The following OPRM1 variants were observed in gnomAD, a reference collection of about 807,000 sequenced individuals.
OPRM1 encodes the protein mu-type opioid receptor.
In OPRM1, 27 loss-of-function variants were observed where a neutral mutation model predicts 31.8. That is an observed-to-expected ratio of 0.85 (90% CI 0.63 to 1.17). The LOEUF is 1.17. Among genes scored for constraint, OPRM1 ranks in the 50% most tolerant of loss-of-function variants. The pLI, the probability that OPRM1 is intolerant of heterozygous loss-of-function variation, is 0.00. For synonymous variants in OPRM1, 196 were observed against 189.9 expected, an observed-to-expected ratio of 1.03 and a Z score of -0.26; for missense variants, 536 against 511.1, an observed-to-expected ratio of 1.05 and a Z score of -0.47.
chr6:154,149,905 C>A (rs138285423), intron 3 of OPRM1, among the ~76,000 whole-genome samples: 1 of 152,290 alleles, frequency 6.6e-6, no homozygotes, highest in African/African-American at 2.4e-5. Context: ...TCCCTCACAG[C>A]GTCTCCTACT....
chr6:154,075,093 A>C (rs1156351384), intron 1 of OPRM1, among the ~76,000 whole-genome samples: 2 of 152,224 alleles, frequency 1.3e-5, no homozygotes, highest in Non-Finnish European at 2.9e-5. Flanking sequence ...GTACTATAAG[A>C]GAAGAGAAAA....
At chr6:154,010,708 ATTCAG>A in exon 1 of OPRM1, 1 of 1,438,090 alleles carries the variant, frequency 7.0e-7, no homozygotes, top group South Asian at 1.5e-5. Flanking sequence ...AGGCTTCTGG[ATTCAG>A]TGTGTGGACA....
intron 1 of OPRM1, among the ~76,000 whole-genome samples, chr6:154,015,677 T>G (rs570818451): frequency 1.1e-4 from 16 of 151,928 alleles, no homozygotes; most frequent in Non-Finnish European, 2.2e-4. Context: ...TAAAAAGATA[T>G]TTTTGGTATG....
At chr6:154,035,339 A>G (rs1292788357), upstream of OPRM1, among the ~76,000 whole-genome samples, 2 of 152,154 alleles carry the variant, frequency 1.3e-5, no homozygotes, top group Non-Finnish European at 2.9e-5. Context: ...CCATGCAAAT[A>G]AAGAGTGCCT....
intron 1 of OPRM1, among the ~76,000 whole-genome samples, chr6:154,044,422 CAATGCTAGAA>C (rs1476577479): frequency 6.6e-6 from 1 of 151,766 alleles, no homozygotes; most frequent in Non-Finnish European, 1.5e-5. Context: ...TCCAGTAGGC[CAATGCTAGAA>C]AATAGATGTC....
chr6:154,223,328 T>C (rs1159577958), intron 3 of OPRM1: 3 of 1,034,002 alleles, frequency 2.9e-6, no homozygotes, highest in Non-Finnish European at 4.4e-6. Flanking sequence ...GGAATAGGGA[T>C]GGTATAAATG....
At position 154,084,917 on chromosome 6, in the gene OPRM1, AACACAC is replaced by A. The variant is rs71669485; in HGVS notation, c.291-4879_291-4874del. On this transcript the variant is annotated intron_variant, in intron 1 of 3. Coordinates refer to ENST00000330432, the MANE Select transcript of OPRM1 (RefSeq NM_000914.5). ...ATATGAAGGCCATGATGTGGAATTA[AACACAC>A]ACACACACACACACACACACACACA... 7.6e-3 allele frequency among the ~76,000 whole-genome samples: 1,112 copies of A among 146,432 alleles called. 8 individuals carry two copies. Among genetic ancestry groups the A allele is most frequent in the African/African-American group, 0.019 (751 of 39,958 alleles).
chr6:154,153,868 C>T lies in OPRM1; in HGVS notation c.1164+62396C>T, dbSNP rs80038391. Among the ~76,000 whole-genome samples, 9 of 152,232 alleles carry T rather than the reference C, an allele frequency of 5.9e-5. No individual in the cohort carries two copies. In the East Asian group the frequency reaches 1.7e-3, roughly 29 times the overall value. ...CCTCCACAAGGAGTGCAACCTTCCTCGAACTGTGAGTTCACAAATTTGTTG... is the reference window on the plus strand; with the variant it reads ...CCTCCACAAGGAGTGCAACCTTCCTTGAACTGTGAGTTCACAAATTTGTTG... On this transcript the variant is annotated intron_variant, in intron 3 of 3. Coordinates refer to the OPRM1 transcript ENST00000337049.
intron 3 of OPRM1, among the ~76,000 whole-genome samples, chr6:154,190,822 A>G (rs1801808688): frequency 1.3e-5 from 2 of 152,202 alleles, no homozygotes; most frequent in Non-Finnish European, 2.9e-5. Flanking sequence ...AATATTATTC[A>G]ATGATTAAAA....
intron 1 of OPRM1, among the ~76,000 whole-genome samples, chr6:154,084,847 T>A (rs182759996): frequency 5.5e-4 from 84 of 152,006 alleles, no homozygotes; most frequent in Admixed American, 1.2e-3. Context: ...CTTCCGTCCA[T>A]CACCATTGAC....
At position 154,073,484 on chromosome 6, in the gene OPRM1, C is replaced by T. The variant is rs761753887; in HGVS notation, c.291-16342C>T. The stretch of plus-strand genomic sequence containing the variant: ...TATTGAAAACTGCATAGTGTGTAAA[C>T]TCAGGAGCTAATTCTAACCTTTATC... On this transcript the variant is annotated intron_variant, in intron 1 of 3. Coordinates refer to ENST00000330432, the MANE Select transcript of OPRM1 (RefSeq NM_000914.5). The T allele has an allele frequency of 2.0e-5, 3 of 152,190 alleles. 1 individual carries two copies. The highest frequency in any genetic ancestry group is 1.3e-4 in the Admixed American group (2 of 15,270). The allele number at this position is 152,190 out of a possible 1,614,324, so 9.4% of individuals were successfully genotyped here.
chr6:154,152,344 AAAGGAAAGAAAGAAAG>A (rs1798543697), intron 3 of OPRM1, among the ~76,000 whole-genome samples: 2 of 11,432 alleles, frequency 1.7e-4, no homozygotes, highest in Admixed American at 2.0e-3. Context: ...AGAAAGAAAG[AAAGGAAAGAAAGAAAG>A]AAAGAAAGAA....
intron 3 of OPRM1, among the ~76,000 whole-genome samples, chr6:154,162,592 T>G (rs1477459121): frequency 6.6e-6 from 1 of 152,232 alleles, no homozygotes; most frequent in Non-Finnish European, 1.5e-5. Flanking sequence ...TGATTTTTCT[T>G]GTACCACAAT....
intron 1 of OPRM1, among the ~76,000 whole-genome samples, chr6:154,022,062 A>T (rs1025349194): frequency 3.9e-5 from 6 of 152,180 alleles, no homozygotes; most frequent in Admixed American, 3.9e-4. Flanking sequence ...TCCTTATCTT[A>T]GTGGGAAAGC....
intron 3 of OPRM1, chr6:154,158,848 T>C (rs987323994): frequency 3.9e-5 from 6 of 152,232 alleles, no homozygotes; most frequent in Admixed American, 1.3e-4. Flanking sequence ...ACAAGTGACA[T>C]ATAAACATAC....
intron 3 of OPRM1, among the ~76,000 whole-genome samples, chr6:154,146,478 A>G (rs982880256): frequency 1.3e-4 from 20 of 152,262 alleles, no homozygotes; most frequent in African/African-American, 4.6e-4. Flanking sequence ...GGATAAGGGT[A>G]ACACTTAAAC....
intron 3 of OPRM1, among the ~76,000 whole-genome samples, chr6:154,215,698 C>T (rs1419108113): frequency 6.6e-6 from 1 of 152,106 alleles, no homozygotes; most frequent in African/African-American, 2.4e-5. Context: ...TAAGAAATCA[C>T]CTTCAGCACA....
In OPRM1 at chr6:154,039,262, A is replaced by T; in HGVS notation, c.-283A>T. On this transcript the variant is annotated 5_prime_UTR_variant, in exon 1 of 4. Coordinates refer to ENST00000330432, the MANE Select transcript of OPRM1 (RefSeq NM_000914.5). ...CTCCTCCCTCCCTTCCAGCCTCCGA[A>T]TCCCGCATGGCCCACGCTCCCCTCC... 6.4e-7 allele frequency: 1 copy of T among 1,551,478 alleles called. No individual in the cohort carries two copies. Among genetic ancestry groups the T allele is most frequent in the Admixed American group, 2.0e-5 (1 of 50,980 alleles).
At chr6:154,103,282 T>A (rs1370893452) in intron 3 of OPRM1, among the ~76,000 whole-genome samples, 1 of 152,184 alleles carries the variant, frequency 6.6e-6, no homozygotes, top group Admixed American at 6.5e-5. Context: ...CCACAGAATA[T>A]TTAGCTTTGT....
Sources: allele counts gnomAD v4.1 joint callset (sites outside exome capture counted in the v4.1 genomes callset), GRCh38; gene constraint gnomAD v4.1.1; transcripts MANE v1.5; gene names NCBI Gene and HGNC (gene_info 2026-07-23, HGNC 2026-07-21).